Variants in EFCAB5 observed in about 807,000 individuals in gnomAD.
The protein encoded by EFCAB5 is EF-hand calcium-binding domain-containing protein 5.
EFCAB5 carries 131 observed loss-of-function variants against 167.9 expected under a neutral mutation model. That is an observed-to-expected ratio of 0.78 (90% confidence interval 0.68 to 0.90). The LOEUF (loss-of-function observed/expected upper bound fraction) is 0.90, where lower values mean the gene tolerates loss of function less well. Ranked by LOEUF, EFCAB5 falls within the 40% of genes least tolerant of loss-of-function variation. The pLI is 0.00. For missense variants in EFCAB5, 1,663 were observed against 1,745.2 expected (o/e 0.95, Z 0.84); for synonymous variants, 574 against 602.8 (o/e 0.95, Z 0.70).
At chr17:29,976,628 C>T (rs1269434744) in intron 4 of EFCAB5, among the ~76,000 whole-genome samples, 1 of 152,148 alleles carries the variant, frequency 6.6e-6, no homozygotes, top group Non-Finnish European at 1.5e-5. Context: ...GTTTGTGTTA[C>T]CTTCAATCCA....
chr17:30,056,173 A>G lies in EFCAB5; in HGVS notation c.2365+17A>G. The G allele has an allele frequency of 6.3e-7, 1 of 1,593,886 alleles. No homozygotes were observed. Among genetic ancestry groups the G allele is most frequent in the Non-Finnish European group, 8.6e-7 (1 of 1,168,348 alleles). On this transcript the variant is annotated intron_variant, in intron 12 of 22. Coordinates refer to ENST00000394835, the MANE Select transcript of EFCAB5 (RefSeq NM_198529.4). ...GGTTCACAGGTACATGTTAACAATGAAAGTAGGAATAGATGGCAGTCCAAT... is the reference window on the plus strand; with the variant it reads ...GGTTCACAGGTACATGTTAACAATGGAAGTAGGAATAGATGGCAGTCCAAT...
At chr17:30,014,452 T>C (rs1465652429) in intron 7 of EFCAB5, among the ~76,000 whole-genome samples, 2 of 152,188 alleles carry the variant, frequency 1.3e-5, no homozygotes, top group East Asian at 3.8e-4. Context: ...TTTTTAGGTC[T>C]CTAAGGACTT....
upstream of EFCAB5, among the ~76,000 whole-genome samples, chr17:29,939,899 G>C (rs1285256178): frequency 6.6e-6 from 1 of 152,182 alleles, no homozygotes; most frequent in Non-Finnish European, 1.5e-5. Context: ...TTGAGTGTTT[G>C]TTCCTTCTGC....
At chr17:30,000,017 G>A in intron 7 of EFCAB5, 41 bp downstream of exon 7, 1 of 1,450,366 alleles carries the variant, frequency 6.9e-7, no homozygotes, top group African/African-American at 1.4e-5. Flanking sequence ...GAATTATTTT[G>A]TCAGTTTCAA....
chr17:29,996,620 A>G lies in EFCAB5; in HGVS notation c.973+260A>G, dbSNP rs537638578. ...TATTATCCTATGACATTCCTAGAAA[A>G]TATTTCTTACATACATAGAATTTTA... On this transcript the variant is annotated intron_variant, in intron 6 of 22. Transcript: ENST00000394835. Among the ~76,000 whole-genome samples, 7 of 152,338 alleles carry G rather than the reference A, an allele frequency of 4.6e-5. No homozygotes were observed. The East Asian group carries it at 1.4e-3, about 29-fold the overall frequency.
intron 7 of EFCAB5, among the ~76,000 whole-genome samples, chr17:30,011,466 CCT>C (rs2068899616): frequency 6.6e-6 from 1 of 152,002 alleles, no homozygotes; most frequent in African/African-American, 2.4e-5. Flanking sequence ...TTGTTTGTGC[CCT>C]CTTTTATTTC....
intron 1 of EFCAB5, among the ~76,000 whole-genome samples, chr17:29,930,632 G>A (rs576460537): frequency 6.6e-6 from 1 of 152,062 alleles, no homozygotes; most frequent in Non-Finnish European, 1.5e-5. Flanking sequence ...CTCTCACTGG[G>A]CGCAGACAGA....
chr17:29,962,293 G>A (rs911782194), intron 3 of EFCAB5, among the ~76,000 whole-genome samples: 2 of 152,146 alleles, frequency 1.3e-5, no homozygotes, highest in African/African-American at 4.8e-5. Context: ...TCTTAACAAT[G>A]TAAAGTATTC....
chr17:30,083,104 C>A, intron 18 of EFCAB5, 61 bp downstream of exon 18: 5 of 1,530,962 alleles, frequency 3.3e-6, no homozygotes, highest in African/African-American at 2.8e-5. Flanking sequence ...GATGTTATTT[C>A]TTGCTAATAT....
chr17:30,086,628 C>G (rs2071093732), intron 18 of EFCAB5, among the ~76,000 whole-genome samples: 1 of 152,008 alleles, frequency 6.6e-6, no homozygotes, highest in African/African-American at 2.4e-5. Flanking sequence ...TGTGGTGGCT[C>G]ACGCCTGTAA....
upstream of EFCAB5, chr17:29,941,626 G>A (rs1023886372): frequency 3.6e-6 from 2 of 548,702 alleles, no homozygotes; most frequent in African/African-American, 3.9e-5. Context: ...TTCAGCAGTT[G>A]AGAATTTATC....
chr17:30,043,766 T>C (rs1184932378), intron 8 of EFCAB5, among the ~76,000 whole-genome samples: 1 of 152,226 alleles, frequency 6.6e-6, no homozygotes, highest in Non-Finnish European at 1.5e-5. Context: ...TCAAAGACTA[T>C]ATGAATGAAT....
chr17:30,069,534 G>C, intron 14 of EFCAB5: 1 of 1,611,962 alleles, frequency 6.2e-7, no homozygotes, highest in Non-Finnish European at 8.5e-7. Flanking sequence ...GAAGACATAA[G>C]AGAGGCCATT....
rs28424187 is a variant in EFCAB5 at position 29,996,321 on chromosome 17, G to A, written c.934G>A (p.Val312Ile). Residue 312 changes from valine (V) to isoleucine (I), a missense_variant, in exon 6 of 23, where the codon GTT (valine) becomes ATT (isoleucine). Transcript: ENST00000394835. ...GMIPKSVIQN[V>I]LQEFFQNPDF... ...CTCTTTTGAGTTGCAGATTCAGAAT[G>A]TTCTTCAAGAATTCTTTCAAAATCC... is the stretch of plus-strand genomic sequence containing the variant. 1,855 of 1,550,656 alleles carry A rather than the reference G, an allele frequency of 1.2e-3. 14 individuals are homozygous for A. In the African/African-American group the frequency reaches 0.023, roughly 19 times the overall value.
chr17:30,058,896 T>C (rs1375939718), intron 13 of EFCAB5, among the ~76,000 whole-genome samples: 5 of 150,124 alleles, frequency 3.3e-5, no homozygotes, highest in Non-Finnish European at 5.9e-5. Flanking sequence ...AATTTTAAAA[T>C]ACAGTCTGTG....
In EFCAB5 at chr17:29,949,541, T is replaced by C. The variant is rs181641494; in HGVS notation, c.190+5892T>C. The stretch of plus-strand genomic sequence containing the variant: ...GAATTAATCAATCAATCTTAAAAGG[T>C]TTAGGATGTCCAACCAGAGACCTGC... On this transcript the variant is annotated intron_variant, in intron 3 of 22. Transcript: ENST00000394835. 3.9e-5 allele frequency among the ~76,000 whole-genome samples: 6 copies of C among 152,312 alleles called. No homozygotes were observed. The East Asian group carries it at 1.2e-3, about 29-fold the overall frequency.
intron 22 of EFCAB5, among the ~76,000 whole-genome samples, chr17:30,101,801 T>C (rs983647393): frequency 6.6e-6 from 1 of 152,192 alleles, no homozygotes. Flanking sequence ...GGTTTCATTC[T>C]GATGGGAAAT....
At chr17:30,078,674 C>CT (rs1481573500) in intron 15 of EFCAB5, among the ~76,000 whole-genome samples, 170 bp downstream of exon 15, 4 of 152,152 alleles carry the variant, frequency 2.6e-5, no homozygotes, top group Admixed American at 2.0e-4. Context: ...AGGAGAGATA[C>CT]AACTGGAGTG....
chr17:30,015,761 T>A (rs1382782287), intron 7 of EFCAB5, among the ~76,000 whole-genome samples: 1 of 34,040 alleles, frequency 2.9e-5, no homozygotes, highest in East Asian at 4.4e-4. Flanking sequence ...GGTTATTTCT[T>A]TTTTTTTTTT....
Sources: allele counts gnomAD v4.1 joint callset (sites outside exome capture counted in the v4.1 genomes callset), GRCh38; gene constraint gnomAD v4.1.1; transcripts MANE v1.5; gene names NCBI Gene and HGNC (gene_info 2026-07-23, HGNC 2026-07-21).